JAKMIP1: variants seen among roughly 807,000 people sequenced by gnomAD.
JAKMIP1 encodes the protein janus kinase and microtubule interacting protein 1.
JAKMIP1 carries 33 observed loss-of-function variants against 113.0 expected under a neutral mutation model. The observed-to-expected ratio is 0.29, with a 90% CI of 0.22 to 0.39. JAKMIP1 has a LOEUF of 0.39. Ranked by LOEUF, JAKMIP1 falls within the 10% of genes least tolerant of loss-of-function variation. JAKMIP1 has a pLI of 1.00. For missense variants in JAKMIP1, 813 were observed against 1,080.5 expected (o/e 0.75, Z 3.47); for synonymous variants, 480 against 459.9 (o/e 1.04, Z -0.56).
chr4:6,187,863 T>C lies in JAKMIP1; in HGVS notation c.-148+12390A>G, dbSNP rs558853833. ...TTAATAGTATTGATATAGTTGGACT[T>C]ATGTCTTCCATTTTATTTTGTTTTC... On this transcript the variant is annotated intron_variant, in intron 1 of 20. Coordinates refer to ENST00000409021, the MANE Select transcript of JAKMIP1 (RefSeq NM_001099433.2). The surrounding 1 kb of genome is among the most constrained non-coding windows in gnomAD (Gnocchi z 4.2). Among the ~76,000 whole-genome samples the C allele has an allele frequency of 3.9e-5, 6 of 152,354 alleles. No individual in the cohort carries two copies. The highest frequency in any genetic ancestry group is 2.1e-4 in the South Asian group (1 of 4,824).
At chr4:6,148,800 C>A (rs1721196950) in intron 1 of JAKMIP1, among the ~76,000 whole-genome samples, 1 of 152,248 alleles carries the variant, frequency 6.6e-6, no homozygotes, top group South Asian at 2.1e-4. Flanking sequence ...GCCAGCATGA[C>A]CACAGCATCC....
At position 6,156,156 on chromosome 4, in the gene JAKMIP1, C is replaced by T. The variant is rs371181236; in HGVS notation, c.-147-43159G>A. 6.6e-6 allele frequency among the ~76,000 whole-genome samples: 1 copy of T among 152,166 alleles called. No homozygotes were observed. The highest frequency in any genetic ancestry group is 1.5e-5 in the Non-Finnish European group (1 of 68,036). On this transcript the variant is annotated intron_variant, in intron 1 of 20. Transcript: ENST00000409021. The surrounding 1 kb of genome is among the most constrained non-coding windows in gnomAD (Gnocchi z 5.0). ...CTGTGTGTTTCTTGGGAGCAGAGAC[C>T]GGGAACATCTTCTCACCGTACCACG...
chr4:6,085,976 G>T (rs1721237579), intron 3 of JAKMIP1, among the ~76,000 whole-genome samples: 1 of 151,932 alleles, frequency 6.6e-6, no homozygotes. Context: ...CTTCTTGGCA[G>T]AGCTGGCTTC....
rs577135744 is a variant in JAKMIP1 at position 6,108,383 on chromosome 4, C to T, written c.130-2416G>A. Among the ~76,000 whole-genome samples the T allele has an allele frequency of 2.6e-5, 4 of 152,280 alleles. No homozygotes were observed. The highest frequency in any genetic ancestry group is 2.0e-4 in the Admixed American group (3 of 15,304). Reference sequence around the variant, plus strand: ...CAAGTGTAGAGGCACCTACACCAGCCGCTCCTCAGCACTTGGACTCTAAAT... The same window carrying T: ...CAAGTGTAGAGGCACCTACACCAGCTGCTCCTCAGCACTTGGACTCTAAAT... On this transcript the variant is annotated intron_variant, in intron 2 of 20. Transcript: ENST00000409021. This position sits in a 1 kb window ranked among gnomAD's most constrained non-coding sequence, Gnocchi z 5.6.
Position 6,142,551 on chromosome 4 carries a change from T to C in JAKMIP1, c.-147-29554A>G, listed in dbSNP as rs1001506982. On this transcript the variant is annotated intron_variant, in intron 1 of 20. Transcript: ENST00000409021. This position sits in a 1 kb window ranked among gnomAD's most constrained non-coding sequence, Gnocchi z 5.5. ...TACTGGCACTTTTTTTAAGCTACCA[T>C]ATCACAATAATCAGAATTCCAACCC... Among the ~76,000 whole-genome samples the C allele has an allele frequency of 3.3e-5, 5 of 152,238 alleles. No individual in the cohort carries two copies. Among genetic ancestry groups the C allele is most frequent in the African/African-American group, 1.2e-4 (5 of 41,470 alleles).
rs976074199 is a variant in JAKMIP1, at chr4:6,188,120, T to C, written c.-148+12133A>G. ...TTTGGTTCCAGTAAATGGGAGCCAA[T>C]CAATTATTTATCCAAGAGTCTCTGA... On this transcript the variant is annotated intron_variant, in intron 1 of 20. Transcript: ENST00000409021. This position sits in a 1 kb window ranked among gnomAD's most constrained non-coding sequence, Gnocchi z 5.8. Among the ~76,000 whole-genome samples the C allele has an allele frequency of 5.3e-5, 8 of 152,172 alleles. No individual in the cohort carries two copies. The highest frequency in any genetic ancestry group is 1.2e-4 in the Non-Finnish European group (8 of 68,034).
At chr4:6,071,122 T>A (rs1718894000) in intron 8 of JAKMIP1, among the ~76,000 whole-genome samples, 2 of 152,244 alleles carry the variant, frequency 1.3e-5, no homozygotes, top group South Asian at 4.1e-4. Context: ...CTGTATTCCT[T>A]TGGAAGTTTC....
intron 8 of JAKMIP1, among the ~76,000 whole-genome samples, chr4:6,077,670 G>C (rs1184415304): frequency 6.6e-6 from 1 of 151,648 alleles, no homozygotes; most frequent in Non-Finnish European, 1.5e-5. Flanking sequence ...TTTTTGTAGA[G>C]ACAGGGTCTT....
chr4:6,078,688 C>T (rs1469728050), intron 8 of JAKMIP1, among the ~76,000 whole-genome samples: 2 of 152,064 alleles, frequency 1.3e-5, no homozygotes, highest in African/African-American at 4.8e-5. Flanking sequence ...GGTGAATATA[C>T]CCTGAAGCCT....
intron 1 of JAKMIP1, among the ~76,000 whole-genome samples, chr4:6,164,233 G>A (rs137942032): frequency 4.6e-5 from 7 of 152,308 alleles, no homozygotes; most frequent in African/African-American, 1.4e-4. Flanking sequence ...AGCTGATGAC[G>A]TGCCAAAGTT....
rs1387105428 is a variant in JAKMIP1 at position 6,181,407 on chromosome 4, G to C, written c.-148+18846C>G. ...CCAGGTTACTACCAGGTCACTATCA[G>C]GTTACCACCAGCTCAGTACAGAAGG... On this transcript the variant is annotated intron_variant, in intron 1 of 20. Transcript: ENST00000409021. The surrounding 1 kb of genome is among the most constrained non-coding windows in gnomAD (Gnocchi z 5.4). Among the ~76,000 whole-genome samples, 2 of 152,246 alleles carry C rather than the reference G, an allele frequency of 1.3e-5. No homozygotes were observed. Among genetic ancestry groups the C allele is most frequent in the Admixed American group, 1.3e-4 (2 of 15,296 alleles).
intron 3 of JAKMIP1, among the ~76,000 whole-genome samples, chr4:6,095,711 C>T (rs919939533): frequency 6.6e-5 from 10 of 152,134 alleles, no homozygotes; most frequent in East Asian, 3.9e-4. Flanking sequence ...ACATTTCCTT[C>T]GGTAGACTCC....
intron 3 of JAKMIP1, among the ~76,000 whole-genome samples, chr4:6,090,635 T>A (rs1421327803): frequency 6.6e-6 from 1 of 150,906 alleles, no homozygotes; most frequent in East Asian, 1.9e-4. Context: ...TAAACTAGAG[T>A]GTCACCGCCT....
At chr4:6,170,419 G>GACTATCACCATAACC (rs140989267) in intron 1 of JAKMIP1, among the ~76,000 whole-genome samples, 3 of 120,166 alleles carry the variant, frequency 2.5e-5, no homozygotes, top group African/African-American at 9.6e-5. Context: ...CCACCACCAC[G>GACTATCACCATAACC]ACCATCACCA....
Position 6,181,639 on chromosome 4 carries a change from G to C in JAKMIP1, c.-148+18614C>G. Among the ~76,000 whole-genome samples, 1 of 152,334 alleles carries C rather than the reference G, an allele frequency of 6.6e-6. No individual in the cohort carries two copies. Among genetic ancestry groups the C allele is most frequent in the Middle Eastern group, 3.4e-3 (1 of 294 alleles). ...GGGGTGAAATCAGGATATGCAGATG[G>C]AGGAGCAGGGGTCAAAGAAAAGTCA... On this transcript the variant is annotated intron_variant, in intron 1 of 20. Coordinates refer to ENST00000409021, the MANE Select transcript of JAKMIP1 (RefSeq NM_001099433.2). The surrounding 1 kb of genome is among the most constrained non-coding windows in gnomAD (Gnocchi z 5.4).
intron 3 of JAKMIP1, among the ~76,000 whole-genome samples, chr4:6,104,065 A>G (rs1217527452): frequency 1.3e-5 from 2 of 152,006 alleles, no homozygotes; most frequent in Non-Finnish European, 2.9e-5. Flanking sequence ...CTTGATTTTC[A>G]GCATTTCTTC....
intron 1 of JAKMIP1, among the ~76,000 whole-genome samples, chr4:6,198,046 A>G (rs1728034386): frequency 6.6e-6 from 1 of 152,164 alleles, no homozygotes; most frequent in Admixed American, 6.5e-5. Context: ...CCTCCCCAGG[A>G]AAACAGAGCC....
intron 3 of JAKMIP1, among the ~76,000 whole-genome samples, chr4:6,100,348 C>A (rs957360369): frequency 2.0e-5 from 3 of 152,160 alleles, no homozygotes; most frequent in Non-Finnish European, 2.9e-5. Context: ...TCTTTTGTGT[C>A]TAGCTTCTAT....
intron 1 of JAKMIP1, among the ~76,000 whole-genome samples, chr4:6,151,025 T>C (rs1304099273): frequency 1.3e-5 from 2 of 151,992 alleles, no homozygotes; most frequent in African/African-American, 4.8e-5. Flanking sequence ...GGCTTCTATG[T>C]GACCTTGTGC....
Sources: allele counts gnomAD v4.1 joint callset (sites outside exome capture counted in the v4.1 genomes callset), GRCh38; gene constraint gnomAD v4.1.1; non-coding constraint Gnocchi (gnomAD v3.1); transcripts MANE v1.5; gene names NCBI Gene and HGNC (gene_info 2026-07-23, HGNC 2026-07-21).